Variants in RUNX2 observed in about 807,000 individuals in gnomAD.
RUNX2 encodes the protein RUNX family transcription factor 2.
Under a neutral mutation model 51.7 loss-of-function variants are expected in RUNX2, and 10 were observed. That is an observed-to-expected ratio of 0.19 (90% confidence interval 0.12 to 0.33). The LOEUF (loss-of-function observed/expected upper bound fraction) is 0.33. Among genes scored for constraint, RUNX2 ranks in the 10% least tolerant of loss-of-function variants. RUNX2 has a pLI of 1.00. For synonymous variants in RUNX2, 276 were observed against 273.6 expected, an observed-to-expected ratio of 1.01 and a Z score of -0.09; for missense variants, 562 against 691.3, an observed-to-expected ratio of 0.81 and a Z score of 2.10.
intron 7 of RUNX2, among the ~76,000 whole-genome samples, chr6:45,544,570 A>G (rs1352948635): frequency 6.6e-6 from 1 of 152,176 alleles, no homozygotes; most frequent in Non-Finnish European, 1.5e-5. Context: ...TGAACTCCAT[A>G]CTTCTGCAGG....
At chr6:45,393,787 A>G (rs1011983069) in intron 2 of RUNX2, among the ~76,000 whole-genome samples, 9 of 152,100 alleles carry the variant, frequency 5.9e-5, no homozygotes, top group African/African-American at 1.7e-4. Context: ...TGCAGGCTAT[A>G]TAAGAAGTGT....
chr6:45,407,003 C>T (rs1197615138), intron 2 of RUNX2, among the ~76,000 whole-genome samples: 1 of 152,180 alleles, frequency 6.6e-6, no homozygotes, highest in Admixed American at 6.5e-5. Flanking sequence ...GCTACCACCC[C>T]ACTTATAAAA....
In RUNX2 at chr6:45,472,727, C is replaced by T. The variant is rs1023564563; in HGVS notation, c.686-19214C>T. On this transcript the variant is annotated intron_variant, in intron 5 of 8. Coordinates refer to ENST00000647337, the MANE Select transcript of RUNX2 (RefSeq NM_001024630.4). ...CTGTCTCTCTCTTTTAAAGAGTATTCGTGATTTTGGTTCGATTTAGTGAAA... is the reference window on the plus strand; with the variant it reads ...CTGTCTCTCTCTTTTAAAGAGTATTTGTGATTTTGGTTCGATTTAGTGAAA... 1.9e-4 allele frequency among the ~76,000 whole-genome samples: 29 copies of T among 152,158 alleles called. No homozygotes were observed. The East Asian group carries it at 3.7e-3, about 19-fold the overall frequency.
intron 5 of RUNX2, among the ~76,000 whole-genome samples, chr6:45,487,690 A>G (rs1021211261): frequency 6.6e-6 from 1 of 152,150 alleles, no homozygotes; most frequent in Non-Finnish European, 1.5e-5. Context: ...CACTCAAGGA[A>G]TTTATCTAAA....
In RUNX2 at chr6:45,425,151, A is replaced by G. The variant is rs780701128; in HGVS notation, c.423+2194A>G. On this transcript the variant is annotated intron_variant, in intron 3 of 8. Transcript: ENST00000647337. ...CAATGCCACAAATCAGAATATGTGAAAATATAAGAACAGATGCTTACATTT... is the reference window on the plus strand; with the variant it reads ...CAATGCCACAAATCAGAATATGTGAGAATATAAGAACAGATGCTTACATTT... 6.9e-4 allele frequency among the ~76,000 whole-genome samples: 105 copies of G among 152,312 alleles called. 1 individual carries two copies. The highest frequency in any genetic ancestry group is 1.4e-3 in the Non-Finnish European group (94 of 68,028).
chr6:45,456,836 G>A (rs925219021), intron 5 of RUNX2, among the ~76,000 whole-genome samples: 33 of 152,178 alleles, frequency 2.2e-4, no homozygotes, highest in African/African-American at 8.0e-4. Context: ...CAGAGAAGAT[G>A]CCCTTTTTCA....
chr6:45,359,623 A>C (rs1160627893), intron 2 of RUNX2, among the ~76,000 whole-genome samples: 2 of 152,256 alleles, frequency 1.3e-5, no homozygotes, highest in Non-Finnish European at 2.9e-5. Context: ...AAATACAAGC[A>C]TCTAATAAGT....
At chr6:45,361,715 C>T (rs965891397) in intron 2 of RUNX2, 3 of 152,176 alleles carry the variant, frequency 2.0e-5, no homozygotes, top group African/African-American at 7.2e-5. Context: ...ATCATCCCAA[C>T]CCACTAACAC....
At position 45,492,263 on chromosome 6, in the gene RUNX2, T is replaced by C. The variant is rs1392465032; in HGVS notation, c.859+149T>C. 6 of 718,414 alleles carry C rather than the reference T, an allele frequency of 8.4e-6. No homozygotes were observed. In the Admixed American group the frequency reaches 1.4e-4, roughly 17 times the overall value. The allele number at this position is 718,414 out of a possible 1,614,324, so 44.5% of individuals were successfully genotyped here. On this transcript the variant is annotated intron_variant, in intron 6 of 8. Coordinates refer to ENST00000647337, the MANE Select transcript of RUNX2 (RefSeq NM_001024630.4). ...AAGACTTGAAGACACTGATTTCTTC[T>C]TTTTTATTAAAAAAAATAACATTCA...
At chr6:45,423,917 G>C (rs3805811) in intron 3 of RUNX2, among the ~76,000 whole-genome samples, 15,622 of 152,326 alleles carry the variant, frequency 0.1, 920 homozygotes, top group South Asian at 0.18. Context: ...CCGCCAGGGA[G>C]GGATGAGGGA....
At chr6:45,391,130 G>C (rs1797460114) in intron 2 of RUNX2, among the ~76,000 whole-genome samples, 1 of 152,178 alleles carries the variant, frequency 6.6e-6, no homozygotes, top group Non-Finnish European at 1.5e-5. Context: ...AAGATTCTAT[G>C]TGATATGGTT....
At chr6:45,400,210 G>T (rs1797682898) in intron 2 of RUNX2, among the ~76,000 whole-genome samples, 1 of 149,822 alleles carries the variant, frequency 6.7e-6, no homozygotes, top group African/African-American at 2.5e-5. Context: ...AAGGAAGGAG[G>T]GAATGAGGGA....
chr6:45,519,799 T>TC lies in RUNX2; in HGVS notation c.1021+7392_1021+7393insC, dbSNP rs1461627551. ...TTATATATATATATATATGTGTGTG[T>TC]GTGTGTGTGTGTGTGTGTGTGTGTG... is the stretch of plus-strand genomic sequence containing the variant. On this transcript the variant is annotated intron_variant, in intron 7 of 8. Coordinates refer to ENST00000647337, the MANE Select transcript of RUNX2 (RefSeq NM_001024630.4). Among the ~76,000 whole-genome samples, 34 of 107,742 alleles carry TC rather than the reference T, an allele frequency of 3.2e-4. 1 individual carries two copies. In the East Asian group the frequency reaches 0.01, roughly 32 times the overall value. The allele number at this position is 107,742 out of a possible 152,430, so 70.7% of individuals were successfully genotyped here. A position where few individuals can be genotyped will look rare whatever the true frequency, so the allele number is the denominator to read the frequency against.
intron 2 of RUNX2, among the ~76,000 whole-genome samples, chr6:45,414,165 G>A (rs559932941): frequency 6.6e-6 from 1 of 152,244 alleles, no homozygotes; most frequent in South Asian, 2.1e-4. Context: ...TTTAGATGAA[G>A]GAAGGTAATG....
intron 5 of RUNX2, among the ~76,000 whole-genome samples, chr6:45,468,203 A>G (rs1194012932): frequency 1.3e-5 from 2 of 152,258 alleles, no homozygotes; most frequent in African/African-American, 4.8e-5. Context: ...TTTGTAACGA[A>G]TACTCAATAA....
chr6:45,334,992 G>C (rs1788266569), intron 2 of RUNX2, among the ~76,000 whole-genome samples: 1 of 151,090 alleles, frequency 6.6e-6, no homozygotes, highest in Non-Finnish European at 1.5e-5. Context: ...GTTAAACAAA[G>C]TATTAGAGTT....
chr6:45,512,253 G>C lies in RUNX2; in HGVS notation c.867G>C (p.Arg289Ser). The C allele has an allele frequency of 6.2e-7, 1 of 1,613,682 alleles. No individual in the cohort carries two copies. Among genetic ancestry groups the C allele is most frequent in the Non-Finnish European group, 8.5e-7 (1 of 1,179,972 alleles). Reference sequence around the variant, plus strand: ...TCTTTTTCTTTTTCCCAGACCCCAGGCAGGCACAGTCTTCCCCGCCGTGGT... The same window carrying C: ...TCTTTTTCTTTTTCCCAGACCCCAGCCAGGCACAGTCTTCCCCGCCGTGGT... ...PQGQSQITDPRQAQSSPPWSY... is the reference protein window; with the variant it reads ...PQGQSQITDPSQAQSSPPWSY... Residue 289 changes from arginine to serine, a missense_variant, in exon 7 of 9, where the codon AGG (arginine) becomes AGC (serine). Arg to Ser is a moderately radical substitution (Grantham distance 110, BLOSUM62 -1). Around this residue, in one of 5 missense-constraint regions of RUNX2, gnomAD observed 304 missense variants for 353.2 expected, o/e 0.86. Coordinates refer to ENST00000647337, the MANE Select transcript of RUNX2 (RefSeq NM_001024630.4).
intron 3 of RUNX2, among the ~76,000 whole-genome samples, chr6:45,428,581 A>G (rs1798449317): frequency 1.3e-5 from 2 of 152,114 alleles, no homozygotes; most frequent in East Asian, 3.8e-4. Context: ...AGGCTCACAC[A>G]ACTTGTGATT....
rs148639759 is a variant in RUNX2, at chr6:45,547,130, G to A, written c.1391G>A (p.Arg464Gln). The change falls in exon 9 of 9, where the codon CGG (arginine) becomes CAG (glutamine). Residue 464 changes from arginine (R) to glutamine (Q), a missense_variant. Transcript: ENST00000647337. ...YQFPMVPGGD[R>Q]SPSRMLPPCT... The stretch of plus-strand genomic sequence containing the variant: ...TTTCCCATGGTGCCGGGGGGAGACC[G>A]GTCTCCTTCCAGAATGCTTCCGCCA... 8.1e-6 allele frequency: 13 copies of A among 1,613,844 alleles called. No individual in the cohort carries two copies. The highest frequency in any genetic ancestry group is 1.7e-5 in the Admixed American group (1 of 59,982).
Sources: gnomAD v4.1 joint callset for allele counts (sites outside exome capture counted in the v4.1 genomes callset) on GRCh38, gnomAD v4.1.1 for gene constraint, gnomAD v4.1.1 regional missense constraint, MANE v1.5 for transcripts, NCBI Gene and HGNC (gene_info 2026-07-23, HGNC 2026-07-21) for gene names.